ZMAT1: variants seen among roughly 807,000 people sequenced by gnomAD.
The protein encoded by ZMAT1 is zinc finger matrin-type protein 1.
In ZMAT1, 11 loss-of-function variants were observed where a neutral mutation model predicts 18.5. The ratio of observed to expected loss-of-function variants is 0.59; its 90% CI spans 0.37 to 0.98. The LOEUF (loss-of-function observed/expected upper bound fraction) is 0.98. Ranked by LOEUF, ZMAT1 falls within the 50% of genes least tolerant of loss-of-function variation. The pLI, the probability that ZMAT1 is intolerant of heterozygous loss-of-function variation, is 0.01. For synonymous variants in ZMAT1, 211 were observed against 176.4 expected, an observed-to-expected ratio of 1.20 and a Z score of -1.55; for missense variants, 525 against 496.2, an observed-to-expected ratio of 1.06 and a Z score of -0.55.
At chrX:101,911,610 C>G in intron 1 of ZMAT1, 4 of 1,182,715 alleles carry the variant, frequency 3.4e-6, no homozygotes, top group Non-Finnish European at 4.6e-6. Flanking sequence ...TCAGTCACAG[C>G]TTGTCCCTCA....
chrX:101,897,870 A>G lies in ZMAT1; in HGVS notation c.674T>C (p.Met225Thr). 8.3e-7 allele frequency: 1 copy of G among 1,209,798 alleles called. No homozygotes were observed. ...TCAAGAGGTGAATGGAACCTTACCC[A>G]TCTCTGGTTGAAATCCTGATGGAGA... ...QASPSGFQPE[M>T]AFSMRTYVCH... The change falls in exon 4 of 6, where the codon ATG (methionine) becomes ACG (threonine). Residue 225 changes from methionine (M) to threonine (T), a missense_variant and splice_region_variant. Coordinates refer to ENST00000651725, the MANE Select transcript of ZMAT1 (RefSeq NM_001394560.1).
intron 1 of ZMAT1, among the ~76,000 whole-genome samples, chrX:101,921,972 C>T (rs1177224812): frequency 9.0e-6 from 1 of 111,071 alleles, no homozygotes; most frequent in Non-Finnish European, 1.9e-5. Flanking sequence ...AAATATATCC[C>T]TCTAGGACAT....
chrX:101,890,896 T>C (rs930604028), intron 4 of ZMAT1, among the ~76,000 whole-genome samples: 4 of 110,997 alleles, frequency 3.6e-5, no homozygotes, highest in Non-Finnish European at 5.7e-5. Context: ...TGTTGTAGAG[T>C]AAAACATAAG....
intron 1 of ZMAT1, among the ~76,000 whole-genome samples, chrX:101,916,891 C>CA (rs1929372495): frequency 9.0e-6 from 1 of 111,592 alleles, no homozygotes; most frequent in African/African-American, 3.3e-5. Context: ...AATCCACACA[C>CA]CTACAGTGAC....
chrX:101,886,292 G>C (rs191736253), intron 5 of ZMAT1, among the ~76,000 whole-genome samples: 1 of 111,493 alleles, frequency 9.0e-6, no homozygotes, highest in Admixed American at 9.5e-5. Context: ...AATGGTGACT[G>C]GGTCACTGAA....
chrX:101,887,413 G>A (rs561704418), intron 4 of ZMAT1: 3 of 205,232 alleles, frequency 1.5e-5, no homozygotes, highest in African/African-American at 3.1e-5. Flanking sequence ...TAGAAGCAAG[G>A]GATACATTAA....
intron 1 of ZMAT1, among the ~76,000 whole-genome samples, chrX:101,924,107 G>A (rs1929905896): frequency 9.0e-6 from 1 of 111,159 alleles, no homozygotes; most frequent in Non-Finnish European, 1.9e-5. Flanking sequence ...AAGGATAGAG[G>A]AGCAAGTTTT....
chrX:101,910,694 G>A (rs887183048), intron 1 of ZMAT1, among the ~76,000 whole-genome samples: 1 of 111,983 alleles, frequency 8.9e-6, no homozygotes, highest in Non-Finnish European at 1.9e-5. Context: ...GAAAGAATTA[G>A]TGAGCTTGAA....
At chrX:101,914,144 A>C (rs909583239) in intron 1 of ZMAT1, among the ~76,000 whole-genome samples, 1 of 111,328 alleles carries the variant, frequency 9.0e-6, no homozygotes. Context: ...CTTGAAACAA[A>C]TAACAGTAGA....
intron 4 of ZMAT1, among the ~76,000 whole-genome samples, chrX:101,893,742 A>G (rs112074430): frequency 9.0e-5 from 10 of 111,693 alleles, no homozygotes; most frequent in African/African-American, 2.9e-4. Context: ...AAGGAAGCAC[A>G]TAAGATTAAC....
intron 2 of ZMAT1, among the ~76,000 whole-genome samples, chrX:101,903,252 G>A (rs1432589887): frequency 9.0e-6 from 1 of 111,187 alleles, no homozygotes; most frequent in Middle Eastern, 4.2e-3. Flanking sequence ...TATAGTAAGA[G>A]GTTTTTACCA....
At chrX:101,900,730 T>G (rs375149998) in intron 2 of ZMAT1, among the ~76,000 whole-genome samples, 2 of 112,142 alleles carry the variant, frequency 1.8e-5, no homozygotes, top group African/African-American at 6.5e-5. Context: ...TGAAATCAGG[T>G]AGTGTGATGC....
At position 101,883,343 on chromosome X, in the gene ZMAT1, T is replaced by C. The variant is rs1049011516; in HGVS notation, c.*167A>G. ...AGAGGTTAAGTTTGGGCTTTTTTTTTCCTTCTTTTAATTCAATTTAAATTT... is the reference window on the plus strand; with the variant it reads ...AGAGGTTAAGTTTGGGCTTTTTTTTCCCTTCTTTTAATTCAATTTAAATTT... On this transcript the variant is annotated 3_prime_UTR_variant, in exon 6 of 6. Transcript: ENST00000651725. 6 of 348,650 alleles carry C rather than the reference T, an allele frequency of 1.7e-5. No individual in the cohort carries two copies. Among genetic ancestry groups the C allele is most frequent in the African/African-American group, 2.7e-5 (1 of 36,546 alleles). The allele number at this position is 348,650 out of a possible 1,213,427, so 28.7% of individuals were successfully genotyped here.
At chrX:101,906,009 C>T (rs1428173493) in intron 1 of ZMAT1, among the ~76,000 whole-genome samples, 1 of 110,977 alleles carries the variant, frequency 9.0e-6, no homozygotes, top group Non-Finnish European at 1.9e-5. Context: ...CAGCCCCCTA[C>T]CAAGCCCAGC....
chrX:101,897,352 G>A (rs12856386), intron 4 of ZMAT1, among the ~76,000 whole-genome samples: 1 of 64,148 alleles, frequency 1.6e-5, no homozygotes, highest in Non-Finnish European at 2.8e-5. Flanking sequence ...GGTGGGGGGA[G>A]GGGGGAGGGA....
In ZMAT1 at chrX:101,897,089, T is replaced by C. The variant is rs541925850; in HGVS notation, c.676+779A>G. ...TGATTTGAACACTCATATGAGATAA[T>C]GTTTTGGAAAATACTAACGCAAAAA... is the stretch of plus-strand genomic sequence containing the variant. On this transcript the variant is annotated intron_variant, in intron 4 of 5. Coordinates refer to ENST00000651725, the MANE Select transcript of ZMAT1 (RefSeq NM_001394560.1). 4.0e-4 allele frequency among the ~76,000 whole-genome samples: 44 copies of C among 109,547 alleles called. No individual in the cohort carries two copies. In the South Asian group the frequency reaches 8.1e-3, roughly 20 times the overall value.
chrX:101,887,220 G>A (rs1328069361), intron 4 of ZMAT1: 3 of 750,342 alleles, frequency 4.0e-6, no homozygotes, highest in Non-Finnish European at 4.7e-6. Context: ...CAGTGCCTTA[G>A]TTACCAAAAG....
At chrX:101,905,105 A>G (rs1175881614) in intron 1 of ZMAT1, among the ~76,000 whole-genome samples, 1 of 112,220 alleles carries the variant, frequency 8.9e-6, no homozygotes, top group Non-Finnish European at 1.9e-5. Flanking sequence ...CTCATTTTAC[A>G]GGTCCAAGAA....
In ZMAT1 at chrX:101,905,901, A is replaced by AC. The variant is rs1556300877; in HGVS notation, c.293-1572_293-1571insG. ...GAGCCAAAAAACTAAAAAAAAAAAA[A>AC]AAAACAAATATGTAGGAGATTATAT... On this transcript the variant is annotated intron_variant, in intron 1 of 5. Coordinates refer to ENST00000651725, the MANE Select transcript of ZMAT1 (RefSeq NM_001394560.1). 5.1e-4 allele frequency among the ~76,000 whole-genome samples: 54 copies of AC among 105,878 alleles called. 1 individual carries two copies. The highest frequency in any genetic ancestry group is 9.1e-4 in the African/African-American group (26 of 28,493). 91.9% of individuals were successfully genotyped at this position (105,878 alleles called of 115,157 possible). A position where few individuals can be genotyped will look rare whatever the true frequency, so the allele number is the denominator to read the frequency against.
Sources: gnomAD v4.1 joint callset for allele counts (sites outside exome capture counted in the v4.1 genomes callset) on GRCh38, gnomAD v4.1.1 for gene constraint, MANE v1.5 for transcripts, NCBI Gene and HGNC (gene_info 2026-07-23, HGNC 2026-07-21) for gene names.